The following NSD2 variants were observed in gnomAD, a reference collection of about 807,000 sequenced individuals.
NSD2 encodes the protein nuclear receptor binding SET domain protein 2, also known as histone-lysine N-methyltransferase NSD2.
NSD2 carries 12 observed loss-of-function variants against 139.0 expected under a neutral mutation model. The observed-to-expected ratio is 0.09, with a 90% CI of 0.06 to 0.14. NSD2 has a LOEUF of 0.14. Ranked by LOEUF, NSD2 falls within the 10% of genes least tolerant of loss-of-function variation. The pLI is 1.00. For synonymous variants in NSD2, 669 were observed against 648.7 expected (o/e 1.03, Z -0.48); for missense variants, 1,155 against 1,745.0 (o/e 0.66, Z 6.02).
At chr4:1,963,348 C>A (rs1418620838) in intron 18 of NSD2, among the ~76,000 whole-genome samples, 2 of 152,214 alleles carry the variant, frequency 1.3e-5, no homozygotes, top group African/African-American at 4.8e-5. Context: ...GAGTTGAGTA[C>A]CCTGTGTAGA....
In NSD2 at chr4:1,948,821, C is replaced by T; in HGVS notation, c.1882-2251C>T. The T allele has an allele frequency of 1.9e-6, 2 of 1,026,570 alleles. No homozygotes were observed. Among genetic ancestry groups the T allele is most frequent in the Non-Finnish European group, 2.3e-6 (2 of 853,372 alleles). The allele number at this position is 1,026,570 out of a possible 1,614,324, so 63.6% of individuals were successfully genotyped here. The stretch of plus-strand genomic sequence containing the variant: ...AAAAGGTGCTGTTCCTTCCTCTGAC[C>T]CAGGACTGCTTTGTGTTTTCTGTCT... On this transcript the variant is annotated intron_variant, in intron 9 of 21. Coordinates refer to ENST00000508803, the MANE Select transcript of NSD2 (RefSeq NM_001042424.3). This position sits in a 1 kb window ranked among gnomAD's most constrained non-coding sequence, Gnocchi z 4.5.
At chr4:1,944,340 T>G in intron 9 of NSD2, 1 of 1,066,228 alleles carries the variant, frequency 9.4e-7, no homozygotes, top group Non-Finnish European at 1.1e-6. Context: ...GTACAGAAAT[T>G]CATTATGCTG....
intron 6 of NSD2, among the ~76,000 whole-genome samples, chr4:1,934,847 T>TA (rs34096276): frequency 1.4e-4 from 3 of 20,712 alleles, no homozygotes; most frequent in African/African-American, 3.8e-4. Flanking sequence ...GACTCCATCT[T>TA]AAAAAAAAAA....
At chr4:1,906,426 A>G (rs2108764088) in intron 3 of NSD2, among the ~76,000 whole-genome samples, 1 of 151,662 alleles carries the variant, frequency 6.6e-6, no homozygotes, top group Admixed American at 6.6e-5. Context: ...TTTTTTGTAG[A>G]GATGGGGTTT....
chr4:1,903,055 C>T (rs1179468116), intron 2 of NSD2, among the ~76,000 whole-genome samples: 1 of 152,112 alleles, frequency 6.6e-6, no homozygotes, highest in Non-Finnish European at 1.5e-5. Context: ...CCTGTGGTCC[C>T]AGCTACTAGG....
intron 1 of NSD2, among the ~76,000 whole-genome samples, chr4:1,881,793 A>T (rs1020873437): frequency 2.6e-5 from 4 of 152,180 alleles, no homozygotes; most frequent in Admixed American, 6.5e-5. Context: ...TATAATAGGG[A>T]GGTTATACCT....
intron 9 of NSD2, chr4:1,943,815 ACT>A (rs1723349801): frequency 8.5e-6 from 9 of 1,062,252 alleles, no homozygotes; most frequent in Admixed American, 1.1e-4. Flanking sequence ...CAAAGTAAAG[ACT>A]CTATCTTGAA....
intron 3 of NSD2, among the ~76,000 whole-genome samples, chr4:1,916,281 T>C (rs1487081276): frequency 6.6e-6 from 1 of 152,240 alleles, no homozygotes; most frequent in East Asian, 1.9e-4. Flanking sequence ...TTTGGTATCT[T>C]TTTAAGAGGG....
chr4:1,951,499 C>G (rs1438122224), intron 10 of NSD2, among the ~76,000 whole-genome samples: 1 of 131,378 alleles, frequency 7.6e-6, no homozygotes, highest in African/African-American at 3.0e-5. Flanking sequence ...CACACACACA[C>G]ACACACACAC....
rs117641566 is a variant in NSD2, at chr4:1,944,498, G to C, written c.1881+4720G>C. On this transcript the variant is annotated intron_variant, in intron 9 of 21. Coordinates refer to ENST00000508803, the MANE Select transcript of NSD2 (RefSeq NM_001042424.3). ...TTTTAGTCCCATTTGACTCACTTCA[G>C]ACCATCTTCCACACACTATGTCTGT... 2.6e-5 allele frequency: 28 copies of C among 1,065,624 alleles called. No individual in the cohort carries two copies. The East Asian group carries it at 1.4e-3, about 53-fold the overall frequency. The allele number at this position is 1,065,624 out of a possible 1,614,324, so 66.0% of individuals were successfully genotyped here.
intron 1 of NSD2, among the ~76,000 whole-genome samples, chr4:1,894,840 A>G (rs191832403): frequency 3.9e-5 from 6 of 152,286 alleles, no homozygotes; most frequent in East Asian, 1.9e-4. Context: ...ATTTAGTTCT[A>G]TGGTCTTAAG....
chr4:1,939,950 T>C (rs1484081651), intron 9 of NSD2, 172 bp downstream of exon 9: 3 of 1,463,754 alleles, frequency 2.0e-6, no homozygotes, highest in Non-Finnish European at 2.7e-6. Flanking sequence ...GGACAAACAG[T>C]GCACTATGTT....
At position 1,878,686 on chromosome 4, in the gene NSD2, T is replaced by G. The variant is rs75274604; in HGVS notation, c.-30+7144T>G. 5.3e-5 allele frequency among the ~76,000 whole-genome samples: 8 copies of G among 151,984 alleles called. No homozygotes were observed. The East Asian group carries it at 1.4e-3, about 26-fold the overall frequency. Reference sequence around the variant, plus strand: ...GGGGCATAATATGTCCCAGAAATGGTGTGAATGAAGGGGAGTGGTGTGAGC... The same window carrying G: ...GGGGCATAATATGTCCCAGAAATGGGGTGAATGAAGGGGAGTGGTGTGAGC... On this transcript the variant is annotated intron_variant, in intron 1 of 21. Transcript: ENST00000508803.
In NSD2 at chr4:1,961,061, G is replaced by A. The variant is rs1247000689; in HGVS notation, c.3282G>A (p.Gly1094=). 6.2e-7 allele frequency: 1 copy of A among 1,613,658 alleles called. No individual in the cohort carries two copies. The highest frequency in any genetic ancestry group is 8.5e-7 in the Non-Finnish European group (1 of 1,179,620). Residue 1094 remains glycine (G), a synonymous_variant, in exon 18 of 22, where the codon GGG becomes GGA. Coordinates refer to ENST00000508803, the MANE Select transcript of NSD2 (RefSeq NM_001042424.3). ...GAGAATTTGTTAACGAGTACGTTGG[G>A]GAGCTGATCGACGAGGAGGAGTGCA... ...RKGEFVNEYV[G]ELIDEEECMA... is the part of the protein sequence containing the mutation.
intron 18 of NSD2, among the ~76,000 whole-genome samples, chr4:1,966,013 C>T (rs1043983357): frequency 5.9e-5 from 9 of 152,028 alleles, no homozygotes; most frequent in Admixed American, 3.9e-4. Context: ...AATTTCTCAT[C>T]AGGAATTTTG....
chr4:1,964,770 A>G (rs970627869), intron 18 of NSD2, among the ~76,000 whole-genome samples: 2 of 152,162 alleles, frequency 1.3e-5, no homozygotes, highest in Admixed American at 1.3e-4. Context: ...TGGGAGCCAG[A>G]CATTAAAAGA....
At chr4:1,875,279 A>G (rs1029669123) in intron 1 of NSD2, among the ~76,000 whole-genome samples, 2 of 126,050 alleles carry the variant, frequency 1.6e-5, no homozygotes, top group South Asian at 2.5e-4. Context: ...ATAGCTTTTT[A>G]CTTTTTTTTT....
rs752377919 is a variant in NSD2 at position 1,872,564 on chromosome 4, T to TTGTG, written c.-30+1047_-30+1050dup. 6.1e-3 allele frequency among the ~76,000 whole-genome samples: 614 copies of TTGTG among 101,008 alleles called. 17 individuals are homozygous for TTGTG. Among genetic ancestry groups the TTGTG allele is most frequent in the Middle Eastern group, 0.01 (2 of 200 alleles). 66.3% of individuals were successfully genotyped at this position (101,008 alleles called of 152,430 possible). On this transcript the variant is annotated intron_variant, in intron 1 of 21. Coordinates refer to ENST00000508803, the MANE Select transcript of NSD2 (RefSeq NM_001042424.3). ...CGTTTTTAGGTAGATAACGTGTATT[T>TTGTG]TGTGTGTGTGTGTGTGTGTGTGTGT...
intron 3 of NSD2, among the ~76,000 whole-genome samples, 181 bp from the exon 4 acceptor site, chr4:1,916,690 G>C (rs979987936): frequency 2.0e-5 from 3 of 152,180 alleles, no homozygotes; most frequent in Non-Finnish European, 4.4e-5. Context: ...TGAGTCTCTT[G>C]TAAGTTAATT....
Sources: gnomAD v4.1 joint callset for allele counts (sites outside exome capture counted in the v4.1 genomes callset) on GRCh38, gnomAD v4.1.1 for gene constraint, Gnocchi (gnomAD v3.1) non-coding constraint, MANE v1.5 for transcripts, NCBI Gene and HGNC (gene_info 2026-07-23, HGNC 2026-07-21) for gene names.